Variants in TPTE2 observed in about 807,000 individuals in gnomAD.
The protein encoded by TPTE2 is transmembrane phosphoinositide 3-phosphatase and tensin homolog 2.
A neutral mutation model predicts 78.6 loss-of-function variants in TPTE2; 53 were observed. That is an observed-to-expected ratio of 0.67 (90% CI 0.54 to 0.85). TPTE2 has a LOEUF of 0.85. Among genes scored for constraint, TPTE2 ranks in the 40% least tolerant of loss-of-function variants. The pLI is 0.00. For missense variants in TPTE2, 461 were observed against 623.0 expected (o/e 0.74, Z 2.77); for synonymous variants, 175 against 206.2 (o/e 0.85, Z 1.30).
At chr13:19,502,008 A>G (rs1171773688) in intron 1 of TPTE2, among the ~76,000 whole-genome samples, 8 of 142,304 alleles carry the variant, frequency 5.6e-5, no homozygotes, top group African/African-American at 8.0e-5. Flanking sequence ...GACACTTCTC[A>G]AAAGAAGACA....
Position 19,535,470 on chromosome 13 carries a change from G to C in TPTE2, c.-44+1126C>G, listed in dbSNP as rs1248572672. 1.3e-5 allele frequency among the ~76,000 whole-genome samples: 2 copies of C among 151,784 alleles called. No homozygotes were observed. Among genetic ancestry groups the C allele is most frequent in the Non-Finnish European group, 2.9e-5 (2 of 67,950 alleles). On this transcript the variant is annotated intron_variant, in intron 1 of 17. Transcript: ENST00000390680. This position sits in a 1 kb window ranked among gnomAD's most constrained non-coding sequence, Gnocchi z 5.1. ...TAAAACACCAATGGTCATCCCCTAA[G>C]AGGGTAAATGCACCTGCCTTTTCTA...
At chr13:19,505,448 T>C (rs149748505), upstream of TPTE2, among the ~76,000 whole-genome samples, 3,761 of 152,164 alleles carry the variant, frequency 0.025, 82 homozygotes, top group Middle Eastern at 0.055. Context: ...GCCAGTGGCA[T>C]TTATTTCTAA....
chr13:19,502,030 A>C (rs1433311736), intron 1 of TPTE2, among the ~76,000 whole-genome samples: 1 of 127,820 alleles, frequency 7.8e-6, no homozygotes, highest in Admixed American at 8.3e-5. Context: ...TTATGCAGCC[A>C]AAAAACACAT....
At chr13:19,556,539 A>G in the TPTE2 span, among the ~76,000 whole-genome samples, 1 of 152,018 alleles carries the variant, frequency 6.6e-6, no homozygotes, top group Admixed American at 6.6e-5. Context: ...TCTCCCCCCC[A>G]CCTTTGAGTT....
the TPTE2 span, among the ~76,000 whole-genome samples, chr13:19,553,847 A>G: frequency 6.6e-5 from 10 of 152,232 alleles, no homozygotes; most frequent in Admixed American, 3.3e-4. Context: ...AAAATGTTCA[A>G]AATTATAACT....
chr13:19,510,345 G>A (rs1869351027), intron 1 of TPTE2, among the ~76,000 whole-genome samples: 1 of 152,128 alleles, frequency 6.6e-6, no homozygotes, highest in African/African-American at 2.4e-5. Flanking sequence ...CTGCTTCTGA[G>A]GCTGCTCCCA....
chr13:19,492,766 G>A, intron 3 of TPTE2, 84 bp downstream of exon 6: 1 of 1,556,192 alleles, frequency 6.4e-7, no homozygotes, highest in Non-Finnish European at 8.8e-7. Context: ...GAAGATGGAT[G>A]GATATATTTG....
At chr13:19,536,233 C>T (rs1368214018) in intron 1 of TPTE2, among the ~76,000 whole-genome samples, 1 of 152,162 alleles carries the variant, frequency 6.6e-6, no homozygotes, top group Non-Finnish European at 1.5e-5. Flanking sequence ...TGCATGTCTA[C>T]ATTATGTGCT....
chr13:19,522,681 G>A (rs1400899049), intron 1 of TPTE2, among the ~76,000 whole-genome samples: 1 of 147,492 alleles, frequency 6.8e-6, no homozygotes, highest in Non-Finnish European at 1.5e-5. Context: ...GAAGTGCAGT[G>A]GTGTGATCTC....
chr13:19,468,187 A>T (rs1566053448), intron 6 of TPTE2, among the ~76,000 whole-genome samples: 1 of 150,580 alleles, frequency 6.6e-6, no homozygotes, highest in Non-Finnish European at 1.5e-5. Flanking sequence ...ATTACAGGCG[A>T]CCGACACCAC....
exon 10 of TPTE2, chr13:19,464,458 C>T (rs1317845607): frequency 1.2e-5 from 20 of 1,611,836 alleles, no homozygotes; most frequent in East Asian, 2.2e-5. Context: ...ACCCTTACCT[C>T]AATTGGATTT....
chr13:19,532,488 C>G (rs1870948169), intron 1 of TPTE2, among the ~76,000 whole-genome samples: 1 of 152,184 alleles, frequency 6.6e-6, no homozygotes, highest in Non-Finnish European at 1.5e-5. Context: ...AGACTAGACC[C>G]TCACCAGATA....
At chr13:19,544,885 G>A in the TPTE2 span, among the ~76,000 whole-genome samples, 1 of 152,014 alleles carries the variant, frequency 6.6e-6, no homozygotes, top group Non-Finnish European at 1.5e-5. Context: ...CCAGGTGATA[G>A]AGTGAGACTC....
the TPTE2 span, among the ~76,000 whole-genome samples, chr13:19,557,151 C>A: frequency 6.6e-6 from 1 of 152,216 alleles, no homozygotes; most frequent in Non-Finnish European, 1.5e-5. Context: ...TAGAGGTACA[C>A]TGTAAATGGT....
At chr13:19,471,829 A>G (rs1012389107) in intron 6 of TPTE2, among the ~76,000 whole-genome samples, 2 of 151,920 alleles carry the variant, frequency 1.3e-5, no homozygotes, top group African/African-American at 4.8e-5. Context: ...TGATTGAAAT[A>G]CTCCCTTTAG....
intron 10 of TPTE2, among the ~76,000 whole-genome samples, chr13:19,456,399 T>C (rs1173499493): frequency 6.6e-6 from 1 of 152,106 alleles, no homozygotes; most frequent in Non-Finnish European, 1.5e-5. Context: ...GTGGGAGAAA[T>C]GCTTGAGCCC....
chr13:19,465,875 C>T (rs917855221), intron 7 of TPTE2, among the ~76,000 whole-genome samples: 2 of 152,170 alleles, frequency 1.3e-5, no homozygotes, highest in Non-Finnish European at 2.9e-5. Context: ...GTTGGTAATG[C>T]TGAGGCTGAG....
chr13:19,430,073 T>C (rs1467219499), intron 17 of TPTE2, among the ~76,000 whole-genome samples: 1 of 152,114 alleles, frequency 6.6e-6, no homozygotes, highest in African/African-American at 2.4e-5. Context: ...TCCTCAGTGG[T>C]TTTCATGCAC....
intron 6 of TPTE2, among the ~76,000 whole-genome samples, chr13:19,468,269 G>A (rs1373913645): frequency 4.0e-5 from 6 of 151,790 alleles, no homozygotes; most frequent in Admixed American, 3.9e-4. Flanking sequence ...TCGAACTCCC[G>A]ACTTCAGGTG....
Sources: gnomAD v4.1 joint callset for allele counts (sites outside exome capture counted in the v4.1 genomes callset) on GRCh38, gnomAD v4.1.1 for gene constraint, Gnocchi (gnomAD v3.1) non-coding constraint, MANE v1.5 for transcripts, NCBI Gene and HGNC (gene_info 2026-07-23, HGNC 2026-07-21) for gene names.